Variants in SLC35F1 observed in about 807,000 individuals in gnomAD.
The protein encoded by SLC35F1 is chromosome 6 open reading frame 169.
In SLC35F1, 14 loss-of-function variants were observed where a neutral mutation model predicts 48.7. The ratio of observed to expected loss-of-function variants is 0.29; its 90% CI spans 0.19 to 0.45. SLC35F1 has a LOEUF of 0.45. Ranked by LOEUF, SLC35F1 falls within the 20% of genes least tolerant of loss-of-function variation. The pLI, the probability that SLC35F1 is intolerant of heterozygous loss-of-function variation, is 1.00. For synonymous variants in SLC35F1, 190 were observed against 202.2 expected (o/e 0.94, Z 0.51); for missense variants, 404 against 500.0 (o/e 0.81, Z 1.83).
At chr6:117,996,463 G>A (rs1040240059) in intron 1 of SLC35F1, among the ~76,000 whole-genome samples, 8 of 152,134 alleles carry the variant, frequency 5.3e-5, no homozygotes, top group Admixed American at 3.3e-4. Context: ...ATCTGAGAAC[G>A]GGCAGACTGC....
intron 6 of SLC35F1, among the ~76,000 whole-genome samples, chr6:118,284,837 C>A (rs283080): frequency 0.54 from 82,640 of 151,932 alleles, 22,990 homozygotes; most frequent in African/African-American, 0.63. Context: ...AAAAAAGTTT[C>A]AAAATAGATG....
chr6:118,043,661 T>C (rs959668547), intron 1 of SLC35F1, among the ~76,000 whole-genome samples: 1 of 150,290 alleles, frequency 6.7e-6, no homozygotes, highest in Non-Finnish European at 1.5e-5. Flanking sequence ...TTTTCATATG[T>C]CTGGGATGGG....
chr6:118,213,403 G>A (rs537047300), intron 2 of SLC35F1, among the ~76,000 whole-genome samples: 1 of 152,314 alleles, frequency 6.6e-6, no homozygotes, highest in East Asian at 1.9e-4. Flanking sequence ...CACAGTGCTG[G>A]TGGAGTATAA....
intron 1 of SLC35F1, among the ~76,000 whole-genome samples, chr6:117,980,052 C>T (rs1276102319): frequency 6.6e-6 from 1 of 152,150 alleles, no homozygotes; most frequent in East Asian, 1.9e-4. Context: ...TCTTTTTACT[C>T]ATCGAATGGG....
chr6:117,932,146 G>A (rs1013289747), intron 1 of SLC35F1, among the ~76,000 whole-genome samples: 3 of 152,118 alleles, frequency 2.0e-5, no homozygotes, highest in South Asian at 2.1e-4. Context: ...GTGTGAGGAC[G>A]CAGCAAAATG....
chr6:118,012,385 G>C (rs1409090076), intron 1 of SLC35F1, among the ~76,000 whole-genome samples: 1 of 151,880 alleles, frequency 6.6e-6, no homozygotes, highest in East Asian at 1.9e-4. Context: ...ACGTGACTGT[G>C]AGAGTCTTCA....
chr6:118,081,144 T>C (rs1205215996), intron 1 of SLC35F1, among the ~76,000 whole-genome samples: 2 of 152,134 alleles, frequency 1.3e-5, no homozygotes, highest in African/African-American at 2.4e-5. Context: ...CCCTGTTTGA[T>C]CCAGGGTTGT....
rs11293041 is a variant in SLC35F1 at position 118,315,433 on chromosome 6, C to CTTTTTTTT, written c.*1198_*1205dup. The CTTTTTTTT allele has an allele frequency of 5.1e-5, 4 of 78,920 alleles. No homozygotes were observed. The highest frequency in any genetic ancestry group is 1.0e-4 in the African/African-American group (2 of 19,992). The allele number at this position is 78,920 out of a possible 1,614,324, so 4.9% of individuals were successfully genotyped here. A position where few individuals can be genotyped will look rare whatever the true frequency, so the allele number is the denominator to read the frequency against. On this transcript the variant is annotated 3_prime_UTR_variant, in exon 8 of 8. Coordinates refer to ENST00000360388, the MANE Select transcript of SLC35F1 (RefSeq NM_001029858.4). ...ATAACAGATATATTGACACGACATT[C>CTTTTTTTT]TTTTTTTTTTTTTTTTTTTTTTTTG...
intron 1 of SLC35F1, among the ~76,000 whole-genome samples, chr6:118,073,953 C>T (rs905552996): frequency 6.6e-6 from 1 of 152,032 alleles, no homozygotes; most frequent in Non-Finnish European, 1.5e-5. Flanking sequence ...TTTTATTGTT[C>T]TGATATCAGC....
chr6:117,959,565 A>G (rs1163809789), intron 1 of SLC35F1, among the ~76,000 whole-genome samples: 1 of 152,184 alleles, frequency 6.6e-6, no homozygotes, highest in Non-Finnish European at 1.5e-5. Context: ...GCCATACCTG[A>G]GATGTAGGAA....
intron 5 of SLC35F1, among the ~76,000 whole-genome samples, chr6:118,276,084 TTA>T (rs1429101546): frequency 1.3e-5 from 2 of 152,172 alleles, no homozygotes; most frequent in African/African-American, 4.8e-5. Flanking sequence ...TATTTCAAAT[TTA>T]TCTCTTAGAA....
intron 2 of SLC35F1, among the ~76,000 whole-genome samples, chr6:118,230,201 A>G (rs999694436): frequency 1.6e-4 from 24 of 152,032 alleles, no homozygotes; most frequent in Admixed American, 2.6e-4. Flanking sequence ...TTAGCTGGGC[A>G]TAGTGGCACG....
At position 118,313,981 on chromosome 6, in the gene SLC35F1, T is replaced by C. The variant is rs1459367550; in HGVS notation, c.1003-47T>C. The C allele has an allele frequency of 1.9e-6, 3 of 1,563,230 alleles. No individual in the cohort carries two copies. The South Asian group carries it at 3.3e-5, about 17-fold the overall frequency. On this transcript the variant is annotated intron_variant, in intron 7 of 7. Transcript: ENST00000360388. ...TCTGTGTGCCTCATTAATGTGTCAG[T>C]GGTTCTGCCCTGGCTGTCAAATGAC... is the stretch of plus-strand genomic sequence containing the variant.
At chr6:118,020,883 A>G (rs1378519061) in intron 1 of SLC35F1, among the ~76,000 whole-genome samples, 1 of 152,132 alleles carries the variant, frequency 6.6e-6, no homozygotes. Context: ...GAGAAAATTG[A>G]CTGGTGTGGT....
At chr6:117,911,383 C>G (rs1775759893) in intron 1 of SLC35F1, among the ~76,000 whole-genome samples, 1 of 124,086 alleles carries the variant, frequency 8.1e-6, no homozygotes, top group African/African-American at 3.1e-5. Context: ...TCACATTTCC[C>G]TCCCCTCCCC....
At chr6:117,992,348 G>A (rs1012141566) in intron 1 of SLC35F1, among the ~76,000 whole-genome samples, 1 of 152,136 alleles carries the variant, frequency 6.6e-6, no homozygotes, top group Non-Finnish European at 1.5e-5. Flanking sequence ...TTATGATTCT[G>A]TATTCTTTAT....
chr6:117,907,959 G>A, intron 1 of SLC35F1, 60 bp downstream of exon 1: 1 of 1,280,122 alleles, frequency 7.8e-7, no homozygotes, highest in Non-Finnish European at 9.8e-7. Context: ...CCGGCTCCGG[G>A]TCCCCTCCGT....
In SLC35F1 at chr6:117,907,897, C is replaced by T. The variant is rs764475376; in HGVS notation, c.171C>T (p.Asn57=). ...GCCAGAGGATCCGCAAAGTGCTGAACAGGTGAGCGGCGGCGCCGGGCGAGG... is the reference window on the plus strand; with the variant it reads ...GCCAGAGGATCCGCAAAGTGCTGAATAGGTGAGCGGCGGCGCCGGGCGAGG... The part of the protein sequence containing the change: ...GVRQRIRKVL[N]REMLISVALG... Residue 57 remains asparagine, a splice_region_variant and synonymous_variant, in exon 1 of 8, where the codon AAC becomes AAT. Coordinates refer to ENST00000360388, the MANE Select transcript of SLC35F1 (RefSeq NM_001029858.4). The T allele has an allele frequency of 1.4e-6, 2 of 1,395,816 alleles. No individual in the cohort carries two copies. The highest frequency in any genetic ancestry group is 3.4e-5 in the Admixed American group (1 of 29,236). 86.5% of individuals were successfully genotyped at this position (1,395,816 alleles called of 1,614,324 possible).
chr6:118,302,809 A>G (rs578236327), intron 7 of SLC35F1, among the ~76,000 whole-genome samples: 1 of 152,260 alleles, frequency 6.6e-6, no homozygotes, highest in East Asian at 1.9e-4. Context: ...ATTTCAAGGA[A>G]TATACAGTAC....
Sources: gnomAD v4.1 joint callset for allele counts (sites outside exome capture counted in the v4.1 genomes callset) on GRCh38, gnomAD v4.1.1 for gene constraint, MANE v1.5 for transcripts, NCBI Gene and HGNC (gene_info 2026-07-23, HGNC 2026-07-21) for gene names.